The following ATPAF2 variants were observed in gnomAD, a reference collection of about 807,000 sequenced individuals.
ATPAF2 encodes ATP synthase mitochondrial F1 complex assembly factor 2.
ATPAF2 carries 30 observed loss-of-function variants against 36.6 expected under a neutral mutation model. That is an observed-to-expected ratio of 0.82 (90% CI 0.61 to 1.11). The LOEUF (loss-of-function observed/expected upper bound fraction) is 1.11. Among genes scored for constraint, ATPAF2 ranks in the 50% most tolerant of loss-of-function variants. ATPAF2 has a pLI of 0.00. For synonymous variants in ATPAF2, 140 were observed against 152.6 expected, an observed-to-expected ratio of 0.92 and a Z score of 0.61; for missense variants, 321 against 372.3, an observed-to-expected ratio of 0.86 and a Z score of 1.13.
In ATPAF2 at chr17:18,018,299, G is replaced by C; in HGVS notation, c.*250C>G. 1 of 564,074 alleles carries C rather than the reference G, an allele frequency of 1.8e-6. No homozygotes were observed. The highest frequency in any genetic ancestry group is 3.2e-6 in the Non-Finnish European group (1 of 314,318). The allele number at this position is 564,074 out of a possible 1,614,324, so 34.9% of individuals were successfully genotyped here. On this transcript the variant is annotated 3_prime_UTR_variant, in exon 8 of 8. Coordinates refer to ENST00000474627, the MANE Select transcript of ATPAF2 (RefSeq NM_145691.4). ...AGAAATATTTAATAAAATCAGAGTC[G>C]AGAGAAAGTCACTTGCACAATTCAT...
chr17:18,031,304 A>G (rs1377787121), intron 1 of ATPAF2, among the ~76,000 whole-genome samples: 1 of 151,870 alleles, frequency 6.6e-6, no homozygotes, highest in Non-Finnish European at 1.5e-5. Context: ...TTTTCCCATC[A>G]TATCAGTTTT....
Position 18,021,581 on chromosome 17 carries a change from TAG to T in ATPAF2, c.616+162_616+163del, listed in dbSNP as rs2044469219. 1.1e-5 allele frequency: 8 copies of T among 726,828 alleles called. No homozygotes were observed. In the South Asian group the frequency reaches 1.2e-4, roughly 11 times the overall value. 45.0% of individuals were successfully genotyped at this position (726,828 alleles called of 1,614,324 possible). The stretch of plus-strand genomic sequence containing the variant: ...GGTGGAAAGGTGTGAGCCTAGAGCG[TAG>T]AGTGATTGGCTAGCATCAGAGCCAC... On this transcript the variant is annotated intron_variant, in intron 6 of 7. Transcript: ENST00000474627.
At chr17:18,033,566 G>C (rs1009679963) in intron 1 of ATPAF2, among the ~76,000 whole-genome samples, 3 of 151,946 alleles carry the variant, frequency 2.0e-5, no homozygotes, top group African/African-American at 7.3e-5. Flanking sequence ...GGATCATGCA[G>C]AACTGGCCTT....
At chr17:18,018,785 C>G in intron 7 of ATPAF2, 99 bp from the exon 8 acceptor site, 1 of 1,574,548 alleles carries the variant, frequency 6.4e-7, no homozygotes, top group Non-Finnish European at 8.7e-7. Flanking sequence ...CTGAGGGCAA[C>G]AGGTTTGTAT....
Position 18,028,320 on chromosome 17 carries a change from A to G in ATPAF2, c.236T>C (p.Phe79Ser). 6.2e-7 allele frequency: 1 copy of G among 1,614,172 alleles called. No homozygotes were observed. The change falls in exon 3 of 8, where the codon TTT becomes TCT. Residue 79 changes from phenylalanine (F) to serine (S), a missense_variant. This residue lies in a region of ATPAF2 where 53 missense variants were observed against 91.6 expected (regional missense o/e 0.58). Transcript: ENST00000474627. ...RKLKTPQAKL[F>S]TVPSEALAIA... ...GGCCAGGGCCTCGCTGGGGACGGTA[A>G]AGAGCTTGGCTTGGGGAGTTTTCAG...
chr17:18,023,159 C>G (rs994458235), intron 5 of ATPAF2, among the ~76,000 whole-genome samples: 9 of 136,446 alleles, frequency 6.6e-5, no homozygotes, highest in African/African-American at 2.5e-4. Context: ...CTGCTGGGTG[C>G]AGTGGCTCAC....
chr17:18,026,019 G>A (rs952841207), intron 4 of ATPAF2: 3 of 494,442 alleles, frequency 6.1e-6, no homozygotes, highest in Non-Finnish European at 1.1e-5. Context: ...AAGGTCACAG[G>A]CCCCCCTAGG....
chr17:18,018,968 C>T (rs1432965900), intron 7 of ATPAF2, among the ~76,000 whole-genome samples: 3 of 152,060 alleles, frequency 2.0e-5, no homozygotes, highest in Non-Finnish European at 2.9e-5. Context: ...GCAACCTCGC[C>T]TCTACAAAAA....
At chr17:18,016,833 T>A, downstream of ATPAF2, 2 of 475,020 alleles carry the variant, frequency 4.2e-6, no homozygotes, top group Non-Finnish European at 7.5e-6. Context: ...CTTCCAAAAG[T>A]AGAGAAAATA....
intron 3 of ATPAF2, among the ~76,000 whole-genome samples, chr17:18,026,930 AT>A (rs997449216): frequency 2.6e-4 from 40 of 152,202 alleles, no homozygotes; most frequent in African/African-American, 9.4e-4. Context: ...GATCAAGATT[AT>A]TTTTTTCGGC....
In ATPAF2 at chr17:18,028,645, A is replaced by G. The variant is rs1281242584; in HGVS notation, c.148T>C (p.Tyr50His). ...YAPPTERKRF[Y>H]QNVSITQGEG... ...CCCTGTGTGATGCTGACATTCTGAT[A>G]AAACCTCTTCCTTTCTGTAAGAAAG... Residue 50 changes from tyrosine to histidine, a missense_variant, in exon 2 of 8, where the codon TAT (tyrosine) becomes CAT (histidine). Coordinates refer to ENST00000474627, the MANE Select transcript of ATPAF2 (RefSeq NM_145691.4). 1.9e-6 allele frequency: 3 copies of G among 1,613,726 alleles called. No individual in the cohort carries two copies. The highest frequency in any genetic ancestry group is 2.5e-6 in the Non-Finnish European group (3 of 1,180,016).
At chr17:18,026,096 C>T in intron 4 of ATPAF2, 2 of 620,724 alleles carry the variant, frequency 3.2e-6, no homozygotes, top group Non-Finnish European at 5.8e-6. Context: ...TAAGGAGCAG[C>T]TTCTGGGCTA....
At chr17:18,032,989 G>A (rs2044658047) in intron 1 of ATPAF2, among the ~76,000 whole-genome samples, 1 of 151,974 alleles carries the variant, frequency 6.6e-6, no homozygotes, top group African/African-American at 2.4e-5. Flanking sequence ...TGCTAGAGAG[G>A]GCAATGGGGC....
Position 18,034,822 on chromosome 17 carries a change from C to T in ATPAF2, c.133+4059G>A, listed in dbSNP as rs1427391724. 5.3e-5 allele frequency among the ~76,000 whole-genome samples: 8 copies of T among 152,130 alleles called. No homozygotes were observed. In the East Asian group the frequency reaches 1.2e-3, roughly 22 times the overall value. ...ATTCATATTAGCCAAAAGGTAGAAA[C>T]GACCCTGTGTCCACCAATGGATGAA... On this transcript the variant is annotated intron_variant, in intron 1 of 7. Transcript: ENST00000474627.
intron 1 of ATPAF2, 116 bp from the exon 2 acceptor site, chr17:18,028,775 AT>A: frequency 2.0e-6 from 2 of 996,306 alleles, no homozygotes; most frequent in Admixed American, 3.5e-5. Flanking sequence ...TGATTTTCAT[AT>A]CCCCATTCAA....
intron 3 of ATPAF2, among the ~76,000 whole-genome samples, chr17:18,027,196 G>A (rs1296864857): frequency 1.3e-5 from 2 of 151,546 alleles, no homozygotes; most frequent in Non-Finnish European, 2.9e-5. Flanking sequence ...ACTGCAGCCT[G>A]GGCAACAGAG....
intron 1 of ATPAF2, among the ~76,000 whole-genome samples, chr17:18,033,438 A>T (rs887649143): frequency 8.6e-5 from 13 of 151,906 alleles, no homozygotes; most frequent in African/African-American, 2.9e-4. Flanking sequence ...GTCACATAAG[A>T]CAAAATGTGA....
chr17:18,035,478 T>C (rs1451969223), intron 1 of ATPAF2, among the ~76,000 whole-genome samples: 2 of 152,220 alleles, frequency 1.3e-5, no homozygotes, highest in African/African-American at 2.4e-5. Flanking sequence ...TGTACAATTC[T>C]GTAAATATAC....
chr17:18,016,774 T>A, downstream of ATPAF2: 1 of 641,750 alleles, frequency 1.6e-6, no homozygotes, highest in Non-Finnish European at 2.7e-6. Context: ...TTGCTGGGCA[T>A]CTCTCAACCG....
Sources: gnomAD v4.1 joint callset for allele counts (sites outside exome capture counted in the v4.1 genomes callset) on GRCh38, gnomAD v4.1.1 for gene constraint, gnomAD v4.1.1 regional missense constraint, MANE v1.5 for transcripts, NCBI Gene and HGNC (gene_info 2026-07-23, HGNC 2026-07-21) for gene names.